Variants in FMN2 observed in about 807,000 individuals in gnomAD.
The protein encoded by FMN2 is formin 2.
In FMN2, 51 loss-of-function variants were observed where a neutral mutation model predicts 142.3. The observed-to-expected ratio is 0.36, with a 90% CI of 0.29 to 0.45. The LOEUF (loss-of-function observed/expected upper bound fraction) is 0.45, where lower values mean the gene tolerates loss of function less well. Among genes scored for constraint, FMN2 ranks in the 20% least tolerant of loss-of-function variants. FMN2 has a pLI of 1.00. For missense variants in FMN2, 1,936 were observed against 2,122.8 expected (o/e 0.91, Z 1.73); for synonymous variants, 882 against 869.8 (o/e 1.01, Z -0.25).
intron 10 of FMN2, among the ~76,000 whole-genome samples, chr1:240,329,695 T>C (rs114939327): frequency 4.5e-4 from 69 of 152,296 alleles, no homozygotes; most frequent in Non-Finnish European, 8.1e-4. Context: ...GGCCAATACA[T>C]GTTGGCCTCC....
Position 240,207,087 on chromosome 1 carries a change from C to T in FMN2, c.2275C>T (p.Pro759Ser), listed in dbSNP as rs745830094. The T allele has an allele frequency of 2.5e-5, 40 of 1,613,990 alleles. No homozygotes were observed. In the South Asian group the frequency reaches 4.2e-4, roughly 17 times the overall value. The change falls in exon 5 of 18, where the codon CCT becomes TCT. Residue 759 changes from proline (P) to serine (S), a missense_variant. Around this residue, in one of 8 missense-constraint regions of FMN2, gnomAD observed 478 missense variants for 462.8 expected, o/e 1.03. Transcript: ENST00000319653. ...TEEGGVLTLP[P>S]VDGLPGRPPC... The stretch of plus-strand genomic sequence containing the variant: ...AGAGGGCGGGGTGCTGACACTGCCT[C>T]CTGTGGATGGGCTGCCAGGGCGTCC...
At position 240,257,996 on chromosome 1, in the gene FMN2, T is replaced by C. The variant is rs1322728748; in HGVS notation, c.4117T>C (p.Ser1373Pro). 1 of 1,612,728 alleles carries C rather than the reference T, an allele frequency of 6.2e-7. No homozygotes were observed. The highest frequency in any genetic ancestry group is 1.7e-5 in the Admixed American group (1 of 59,818). Residue 1373 changes from serine to proline, a missense_variant, in exon 7 of 18, where the codon TCT becomes CCT. Physicochemically the swap from Ser to Pro is moderately conservative, Grantham distance 74. This residue lies in a region of FMN2 where 322 missense variants were observed against 401.6 expected (regional missense o/e 0.80). Transcript: ENST00000319653. ...ATCACAAGCAGTTGGAATACTAATGTCTAGCCTTCATTTAGATATGAAAGA... is the reference window on the plus strand; with the variant it reads ...ATCACAAGCAGTTGGAATACTAATGCCTAGCCTTCATTTAGATATGAAAGA... ...KRSQAVGILM[S>P]SLHLDMKDIQ...
chr1:240,414,806 A>T (rs1036277408), intron 15 of FMN2, among the ~76,000 whole-genome samples: 1 of 152,206 alleles, frequency 6.6e-6, no homozygotes, highest in Non-Finnish European at 1.5e-5. Flanking sequence ...ATAAAAATCT[A>T]CTATTTTGAC....
intron 2 of FMN2, among the ~76,000 whole-genome samples, chr1:240,152,597 C>T (rs1324060878): frequency 6.6e-6 from 1 of 152,192 alleles, no homozygotes; most frequent in Non-Finnish European, 1.5e-5. Context: ...TGCTGGAGAA[C>T]CTCAGCACAG....
chr1:240,388,734 C>T (rs988611755), intron 14 of FMN2, among the ~76,000 whole-genome samples: 3 of 151,698 alleles, frequency 2.0e-5, no homozygotes, highest in South Asian at 2.1e-4. Context: ...TTGTGGCATG[C>T]GCCTGTAATC....
chr1:240,423,185 G>A (rs1674831894), intron 15 of FMN2, among the ~76,000 whole-genome samples: 1 of 152,124 alleles, frequency 6.6e-6, no homozygotes, highest in African/African-American at 2.4e-5. Flanking sequence ...TTAATAATAA[G>A]TGAAAGGGGA....
chr1:240,165,372 C>G (rs568186473), intron 2 of FMN2, among the ~76,000 whole-genome samples: 19 of 152,152 alleles, frequency 1.2e-4, no homozygotes, highest in African/African-American at 4.6e-4. Flanking sequence ...GACGGGGTCT[C>G]TCTGTGTTAT....
chr1:240,231,249 A>T (rs2102847209), intron 6 of FMN2, among the ~76,000 whole-genome samples: 1 of 132,764 alleles, frequency 7.5e-6, no homozygotes, highest in Non-Finnish European at 1.6e-5. Context: ...AAAATAAAAC[A>T]ATACAAACTT....
At chr1:240,167,014 T>G (rs978786394) in intron 2 of FMN2, among the ~76,000 whole-genome samples, 2 of 152,068 alleles carry the variant, frequency 1.3e-5, no homozygotes, top group African/African-American at 2.4e-5. Flanking sequence ...CCCAGCTACT[T>G]GGGAGGCTGA....
chr1:240,144,976 C>A, intron 2 of FMN2: 1 of 1,271,662 alleles, frequency 7.9e-7, no homozygotes, highest in Non-Finnish European at 1.2e-6. Flanking sequence ...ACTCCCCACT[C>A]ATGGTCATGG....
chr1:240,234,709 T>G (rs1667641787), intron 6 of FMN2, among the ~76,000 whole-genome samples: 1 of 152,226 alleles, frequency 6.6e-6, no homozygotes. Flanking sequence ...AAAACCATGT[T>G]GAATCACGTT....
At position 240,472,405 on chromosome 1, in the gene FMN2, G is replaced by A; in HGVS notation, c.5094G>A (p.Lys1698=). 6.2e-7 allele frequency: 1 copy of A among 1,612,176 alleles called. No homozygotes were observed. The change falls in exon 17 of 18, where the codon AAG becomes AAA. Residue 1698 remains lysine, a synonymous_variant. Transcript: ENST00000319653. ...VKEAEEVCRQ[K]KGKSLYKIKP... ...AAGCCGAAGAGGTGTGTAGACAGAA[G>A]AAAGGAAAATCACTTTATAAAATAA...
At chr1:240,179,059 C>A (rs1208041957) in intron 3 of FMN2, among the ~76,000 whole-genome samples, 1 of 152,162 alleles carries the variant, frequency 6.6e-6, no homozygotes, top group Non-Finnish European at 1.5e-5. Context: ...TTCCTAACAA[C>A]TGTATTCAGT....
At chr1:240,265,787 G>A (rs1461349921) in intron 7 of FMN2, among the ~76,000 whole-genome samples, 1 of 152,056 alleles carries the variant, frequency 6.6e-6, no homozygotes, top group Non-Finnish European at 1.5e-5. Context: ...ACACACACCT[G>A]CACCCATATT....
At chr1:240,125,633 C>T (rs1414710815) in intron 2 of FMN2, among the ~76,000 whole-genome samples, 1 of 152,188 alleles carries the variant, frequency 6.6e-6, no homozygotes, top group Non-Finnish European at 1.5e-5. Context: ...GCATTTTCCT[C>T]CTTTAAAGCC....
At chr1:240,184,727 C>G (rs1665325694) in intron 3 of FMN2, among the ~76,000 whole-genome samples, 1 of 151,850 alleles carries the variant, frequency 6.6e-6, no homozygotes, top group African/African-American at 2.4e-5. Context: ...GCCCTGGATC[C>G]TGGGAGGAGG....
At chr1:240,366,206 A>G (rs1300662039) in intron 14 of FMN2, among the ~76,000 whole-genome samples, 2 of 152,198 alleles carry the variant, frequency 1.3e-5, no homozygotes, top group Non-Finnish European at 2.9e-5. Flanking sequence ...AACATGATCA[A>G]TACCGGTCAG....
At chr1:240,409,637 A>G (rs938262038) in intron 15 of FMN2, among the ~76,000 whole-genome samples, 8 of 152,228 alleles carry the variant, frequency 5.3e-5, no homozygotes, top group Non-Finnish European at 1.2e-4. Flanking sequence ...CCTTTCCAGT[A>G]ACATATACAG....
intron 1 of FMN2, among the ~76,000 whole-genome samples, chr1:240,101,339 G>A (rs1661404329): frequency 6.6e-6 from 1 of 152,198 alleles, no homozygotes; most frequent in Non-Finnish European, 1.5e-5. Context: ...TGGTAGAGCT[G>A]AAGAAAATTC....
Sources: allele counts gnomAD v4.1 joint callset (sites outside exome capture counted in the v4.1 genomes callset), GRCh38; gene constraint gnomAD v4.1.1; regional missense constraint gnomAD v4.1.1; transcripts MANE v1.5; gene names NCBI Gene and HGNC (gene_info 2026-07-23, HGNC 2026-07-21).